MGA: variants seen among roughly 807,000 people sequenced by gnomAD.
The protein encoded by MGA is MAX dimerization protein MGA, also known as MAX gene-associated protein.
A neutral mutation model predicts 261.1 loss-of-function variants in MGA; 40 were observed. The observed-to-expected ratio is 0.15, with a 90% CI of 0.12 to 0.20. The LOEUF is 0.20. Ranked by LOEUF, MGA falls within the 10% of genes least tolerant of loss-of-function variation. MGA has a pLI of 1.00. For missense variants in MGA, 3,397 were observed against 3,630.5 expected (o/e 0.94, Z 1.65); for synonymous variants, 1,302 against 1,290.6 (o/e 1.01, Z -0.19).
At chr15:41,659,078 TA>T (rs1358512238), upstream of MGA, among the ~76,000 whole-genome samples, 1 of 152,134 alleles carries the variant, frequency 6.6e-6, no homozygotes, top group African/African-American at 2.4e-5. Context: ...AGGAAGGTGT[TA>T]AACTGTTACT....
intron 11 of MGA, among the ~76,000 whole-genome samples, chr15:41,730,829 C>T (rs1265130218): frequency 6.6e-6 from 1 of 152,102 alleles, no homozygotes; most frequent in Non-Finnish European, 1.5e-5. Flanking sequence ...TCTAAGAAGC[C>T]AATAGTTGCA....
At chr15:41,730,838 C>T (rs1372356069) in intron 11 of MGA, among the ~76,000 whole-genome samples, 1 of 152,272 alleles carries the variant, frequency 6.6e-6, no homozygotes, top group East Asian at 1.9e-4. Context: ...CCAATAGTTG[C>T]AGCAATTCGA....
chr15:41,704,045 T>C (rs1175270363), intron 5 of MGA, among the ~76,000 whole-genome samples: 1 of 152,138 alleles, frequency 6.6e-6, no homozygotes, highest in Non-Finnish European at 1.5e-5. Context: ...ACTCTTCAGC[T>C]CAAGAGGTCT....
In MGA at chr15:41,728,197, G is replaced by A. The variant is rs1277819256; in HGVS notation, c.3657+791G>A. 2.0e-5 allele frequency among the ~76,000 whole-genome samples: 3 copies of A among 152,160 alleles called. No homozygotes were observed. In the East Asian group the frequency reaches 5.8e-4, roughly 29 times the overall value. On this transcript the variant is annotated intron_variant, in intron 10 of 23. Coordinates refer to ENST00000219905, the MANE Select transcript of MGA (RefSeq NM_001164273.2). ...ATAAGAAAAATTAGCCGGGCGTGGT[G>A]GCTCATGCCTATAATCCCAGCTACT...
chr15:41,744,243 G>A (rs1486473818), intron 15 of MGA, among the ~76,000 whole-genome samples: 1 of 151,786 alleles, frequency 6.6e-6, no homozygotes, highest in Non-Finnish European at 1.5e-5. Flanking sequence ...TTGCTCTGTT[G>A]CCCAGGCTGG....
At chr15:41,724,325 A>G (rs1384105605) in intron 9 of MGA, among the ~76,000 whole-genome samples, 1 of 152,146 alleles carries the variant, frequency 6.6e-6, no homozygotes, top group Non-Finnish European at 1.5e-5. Flanking sequence ...TTAAGTACCT[A>G]ACCATATTCC....
At chr15:41,642,332 G>A (rs899767545) in intron 1 of MGA, among the ~76,000 whole-genome samples, 1 of 143,364 alleles carries the variant, frequency 7.0e-6, no homozygotes, top group Non-Finnish European at 1.5e-5. Context: ...TTTTTGAAAC[G>A]AAGTTTCGCT....
chr15:41,756,566 A>T (rs1371402941), intron 18 of MGA, among the ~76,000 whole-genome samples: 1 of 152,192 alleles, frequency 6.6e-6, no homozygotes, highest in East Asian at 1.9e-4. Flanking sequence ...GGGGTCGTGT[A>T]TGGGACTGTC....
In MGA at chr15:41,743,128, T is replaced by C. The variant is rs1264276148; in HGVS notation, c.5168T>C (p.Ile1723Thr). The C allele has an allele frequency of 2.5e-6, 4 of 1,613,040 alleles. No individual in the cohort carries two copies. The highest frequency in any genetic ancestry group is 3.4e-6 in the Non-Finnish European group (4 of 1,179,504). The change falls in exon 15 of 24, where the codon ATA becomes ACA. Residue 1723 changes from isoleucine to threonine, a missense_variant. Transcript: ENST00000219905. ...TCATCTCTGGGCTCTGTTCCTATTA[T>C]ACTCTCAGGAATTAATGGGAGTCCA...
intron 9 of MGA, among the ~76,000 whole-genome samples, chr15:41,720,446 GC>G (rs139356589): frequency 0.013 from 1,991 of 152,224 alleles, 47 homozygotes; most frequent in African/African-American, 0.045. Context: ...GTAGGCTGAG[GC>G]AAAAGTATGG....
intron 2 of MGA, among the ~76,000 whole-genome samples, chr15:41,680,535 C>T (rs1304985733): frequency 6.6e-6 from 1 of 152,140 alleles, no homozygotes; most frequent in East Asian, 1.9e-4. Flanking sequence ...CACCAGTTGG[C>T]TACAAATCCT....
chr15:41,642,996 C>A (rs1249366329), intron 1 of MGA, among the ~76,000 whole-genome samples: 1 of 151,378 alleles, frequency 6.6e-6, no homozygotes, highest in Non-Finnish European at 1.5e-5. Context: ...TCACTGTAGC[C>A]TCATCCTCCC....
chr15:41,675,829 G>A lies in MGA; in HGVS notation c.1064+5871G>A, dbSNP rs138165377. 4.2e-3 allele frequency among the ~76,000 whole-genome samples: 635 copies of A among 152,004 alleles called. 4 individuals are homozygous for A. Among genetic ancestry groups the A allele is most frequent in the African/African-American group, 0.015 (612 of 41,450 alleles). ...AAAATCAATTCATACCCTCTTTTACGTGACCTTCAAACATTTGGGAAAAAA... is the reference window on the plus strand; with the variant it reads ...AAAATCAATTCATACCCTCTTTTACATGACCTTCAAACATTTGGGAAAAAA... On this transcript the variant is annotated intron_variant, in intron 2 of 23. Transcript: ENST00000219905.
Position 41,674,651 on chromosome 15 carries a change from T to A in MGA, c.1064+4693T>A, listed in dbSNP as rs1271770597. 3.3e-5 allele frequency among the ~76,000 whole-genome samples: 5 copies of A among 151,986 alleles called. No homozygotes were observed. The East Asian group carries it at 9.6e-4, about 29-fold the overall frequency. On this transcript the variant is annotated intron_variant, in intron 2 of 23. Transcript: ENST00000219905. ...TCTCCTGCCTCAGCCTCCTGAGTAG[T>A]TGGGACTATAGACGCATGCCACCAC...
intron 1 of MGA, among the ~76,000 whole-genome samples, chr15:41,627,534 C>T (rs915556814): frequency 3.3e-5 from 5 of 152,176 alleles, no homozygotes; most frequent in Non-Finnish European, 5.9e-5. Flanking sequence ...TGACCTTGAT[C>T]ACTTGGCTGT....
chr15:41,699,150 C>G lies in MGA; in HGVS notation c.2179C>G (p.Leu727Val). The stretch of plus-strand genomic sequence containing the variant: ...GCACAAGCAGGTGATACATCCTGGT[C>G]TTCAAGAAGGTAATAGACTAGCGAC... The change falls in exon 5 of 24, where the codon CTT becomes GTT. Residue 727 changes from leucine to valine, a missense_variant. This residue lies in a region of MGA where 19 missense variants were observed against 44.7 expected (regional missense o/e 0.43). Coordinates refer to ENST00000219905, the MANE Select transcript of MGA (RefSeq NM_001164273.2). The G allele has an allele frequency of 6.2e-7, 1 of 1,602,032 alleles. No individual in the cohort carries two copies. Among genetic ancestry groups the G allele is most frequent in the Non-Finnish European group, 8.5e-7 (1 of 1,173,042 alleles).
intron 22 of MGA, 105 bp downstream of exon 22, chr15:41,762,467 T>TTTG: frequency 3.9e-6 from 2 of 510,484 alleles, no homozygotes; most frequent in East Asian, 4.0e-5. Flanking sequence ...TGTGGTTTTT[T>TTTG]TTTTTTTTTT....
chr15:41,726,103 T>C (rs1794506949), intron 9 of MGA, among the ~76,000 whole-genome samples: 1 of 152,246 alleles, frequency 6.6e-6, no homozygotes, highest in African/African-American at 2.4e-5. Flanking sequence ...TATATTGATA[T>C]AAGTGTTTTT....
chr15:41,665,661 G>A (rs1165141596), intron 1 of MGA, among the ~76,000 whole-genome samples: 1 of 151,772 alleles, frequency 6.6e-6, no homozygotes, highest in African/African-American at 2.4e-5. Flanking sequence ...AGCCACCATG[G>A]CCGGCCTCAT....
Sources: allele counts gnomAD v4.1 joint callset (sites outside exome capture counted in the v4.1 genomes callset), GRCh38; gene constraint gnomAD v4.1.1; regional missense constraint gnomAD v4.1.1; transcripts MANE v1.5; gene names NCBI Gene and HGNC (gene_info 2026-07-23, HGNC 2026-07-21).